Variants in ALPG observed in about 807,000 individuals in gnomAD.
ALPG encodes alkaline phosphatase, germ cell type.
A neutral mutation model predicts 48.6 loss-of-function variants in ALPG; 32 were observed. The observed-to-expected ratio is 0.66, with a 90% CI of 0.50 to 0.88. The LOEUF (loss-of-function observed/expected upper bound fraction) is 0.88, where lower values mean the gene tolerates loss of function less well. Ranked by LOEUF, ALPG falls within the 40% of genes least tolerant of loss-of-function variation. The probability of loss-of-function intolerance (pLI) is 0.00; values close to 1 mark genes in which losing one functional copy is unlikely to be tolerated. For missense variants in ALPG, 533 were observed against 718.1 expected, an observed-to-expected ratio of 0.74 and a Z score of 2.95; for synonymous variants, 244 against 308.9, an observed-to-expected ratio of 0.79 and a Z score of 2.20.
chr2:232,409,977 G>A lies in ALPG; in HGVS notation c.*105G>A, dbSNP rs567532177. The A allele has an allele frequency of 2.8e-6, 4 of 1,433,734 alleles. No individual in the cohort carries two copies. The highest frequency in any genetic ancestry group is 1.5e-5 in the South Asian group (1 of 68,662). 88.8% of individuals were successfully genotyped at this position (1,433,734 alleles called of 1,614,324 possible). ...ACCTGGAGCTGTCACCCCCGGAGTC[G>A]CCACACAGACGTCCTGCCATGGAAC... On this transcript the variant is annotated 3_prime_UTR_variant, in exon 11 of 11. Coordinates refer to ENST00000295453, the MANE Select transcript of ALPG (RefSeq NM_031313.3).
rs369960059 is a variant in ALPG, at chr2:232,409,271, G to C, written c.1184-61G>C. On this transcript the variant is annotated intron_variant, in intron 9 of 10. Transcript: ENST00000295453. ...ACCAGGCAAAACGTGGCGGTGCCTA[G>C]CACGTGGGAGACACTCCACAGCTGT... The C allele has an allele frequency of 1.6e-5, 24 of 1,535,912 alleles. No individual in the cohort carries two copies. In the East Asian group the frequency reaches 5.2e-4, roughly 33 times the overall value.
In ALPG at chr2:232,409,779, C is replaced by T. The variant is rs375861009; in HGVS notation, c.1506C>T (p.Thr502=). The change falls in exon 11 of 11, where the codon ACC becomes ACT. Residue 502 remains threonine, a synonymous_variant. Transcript: ENST00000295453. ...ACCTGGCGCCCCGCGCCGGCACCAC[C>T]GACGCCGCGCACCCGGGGCCGTCCG... ...ACDLAPRAGT[T]DAAHPGPSVV... The T allele has an allele frequency of 2.1e-5, 33 of 1,603,552 alleles. No homozygotes were observed. The Middle Eastern group carries it at 5.8e-4, about 28-fold the overall frequency.
rs1318891717 is a variant in ALPG, at chr2:232,407,945, C to T, written c.576C>T (p.Asp192=). ...ACCGCAACTGGTACTCGGATGCCGA[C>T]GTGCCTGCCTCGGCCCGCCAGGAGG... ...TVNRNWYSDA[D]VPASARQEGC... is the part of the protein sequence containing the mutation. Residue 192 remains aspartate, a synonymous_variant, in exon 5 of 11, where the codon GAC becomes GAT. Transcript: ENST00000295453. 7 of 1,613,242 alleles carry T rather than the reference C, an allele frequency of 4.3e-6. No homozygotes were observed. Among genetic ancestry groups the T allele is most frequent in the South Asian group, 1.1e-5 (1 of 90,972 alleles).
chr2:232,409,940 T>A lies in ALPG; in HGVS notation c.*68T>A. 2.0e-6 allele frequency: 3 copies of A among 1,472,446 alleles called. No homozygotes were observed. Among genetic ancestry groups the A allele is most frequent in the Non-Finnish European group, 2.7e-6 (3 of 1,118,300 alleles). The allele number at this position is 1,472,446 out of a possible 1,614,324, so 91.2% of individuals were successfully genotyped here. On this transcript the variant is annotated 3_prime_UTR_variant, in exon 11 of 11. Transcript: ENST00000295453. The stretch of plus-strand genomic sequence containing the variant: ...CCCTGCTCCCCACCTCCAGTCGTCC[T>A]GCCGGACCTCCACCTGGAGCTGTCA...
intron 6 of ALPG, 36 bp downstream of exon 6, chr2:232,408,437 G>C (rs1666837080): frequency 6.7e-7 from 1 of 1,499,192 alleles, no homozygotes; most frequent in African/African-American, 1.4e-5. Flanking sequence ...GGCACAGCAG[G>C]GGGAGGGCAG....
rs1371957328 is a variant in ALPG at position 232,406,856 on chromosome 2, T to C, written c.-39T>C. Reference sequence around the variant, plus strand: ...TGGAGTGCAGCTCATACTCCATACCTGGGATTTCCGCCTCGCCGCTCTCCG... The same window carrying C: ...TGGAGTGCAGCTCATACTCCATACCCGGGATTTCCGCCTCGCCGCTCTCCG... On this transcript the variant is annotated 5_prime_UTR_variant, in exon 1 of 11. Coordinates refer to ENST00000295453, the MANE Select transcript of ALPG (RefSeq NM_031313.3). 3 of 1,592,940 alleles carry C rather than the reference T, an allele frequency of 1.9e-6. No homozygotes were observed. The highest frequency in any genetic ancestry group is 2.3e-5 in the South Asian group (2 of 86,300).
Position 232,407,082 on chromosome 2 carries a change from G to A in ALPG, c.93G>A (p.Trp31Ter), listed in dbSNP as rs532218338. Reference protein sequence around the residue: ...IPVEEENPDFWNRQAAEALGA... With the variant: ...IPVEEENPDF ...TTGAGGAGGAGAACCCGGACTTCTG[G>A]AACCGCCAGGCAGCCGAGGCCCTGG... is the stretch of plus-strand genomic sequence containing the variant. The change falls in exon 2 of 11, where the codon TGG (tryptophan) becomes TGA (stop). Residue 31 changes from tryptophan (W) to a stop codon, truncating the protein, a stop_gained. Coordinates refer to ENST00000295453, the MANE Select transcript of ALPG (RefSeq NM_031313.3). LOFTEE classifies it high-confidence loss of function. 10 of 1,613,798 alleles carry A rather than the reference G, an allele frequency of 6.2e-6. No homozygotes were observed. Among genetic ancestry groups the A allele is most frequent in the African/African-American group, 5.3e-5 (4 of 74,976 alleles).
Position 232,409,933 on chromosome 2 carries a change from G to GTCGTCCTGCCGGACCTCCAC in ALPG, c.*62_*81dup. On this transcript the variant is annotated 3_prime_UTR_variant, in exon 11 of 11. Transcript: ENST00000295453. ...GGAGTTCCCCTGCTCCCCACCTCCA[G>GTCGTCCTGCCGGACCTCCAC]TCGTCCTGCCGGACCTCCACCTGGA... 1 of 1,480,260 alleles carries GTCGTCCTGCCGGACCTCCAC rather than the reference G, an allele frequency of 6.8e-7. No individual in the cohort carries two copies. The highest frequency in any genetic ancestry group is 1.4e-5 in the African/African-American group (1 of 71,576). The allele number at this position is 1,480,260 out of a possible 1,614,324, so 91.7% of individuals were successfully genotyped here.
rs556367051 is a variant in ALPG at position 232,407,196 on chromosome 2, C to G, written c.184+23C>G. 3.7e-5 allele frequency: 59 copies of G among 1,613,964 alleles called. No homozygotes were observed. The South Asian group carries it at 5.5e-4, about 15-fold the overall frequency. The stretch of plus-strand genomic sequence containing the variant: ...ACGGTGAGTGAGCCAGGCCTTCCAG[C>G]CCCGCAGCCCTCACAGCCCCGGCGC... On this transcript the variant is annotated intron_variant, in intron 2 of 10. Coordinates refer to ENST00000295453, the MANE Select transcript of ALPG (RefSeq NM_031313.3).
chr2:232,408,125 G>A (rs1697124226), intron 5 of ALPG, 108 bp downstream of exon 5: 1 of 1,566,122 alleles, frequency 6.4e-7, no homozygotes, highest in Non-Finnish European at 8.6e-7. Context: ...AGGGTCTGGA[G>A]GTGGGGTTGG....
At position 232,407,169 on chromosome 2, in the gene ALPG, T is replaced by C. The variant is rs547578986; in HGVS notation, c.180T>C (p.Gly60=). 1,665 of 1,613,670 alleles carry C rather than the reference T, an allele frequency of 1.0e-3. 27 individuals are homozygous for C. The East Asian group carries it at 0.035, about 34-fold the overall frequency. Reference sequence around the variant, plus strand: ...CCAAGAACCTCATCATCTTCCTGGGTGACGGTGAGTGAGCCAGGCCTTCCA... The same window carrying C: ...CCAAGAACCTCATCATCTTCCTGGGCGACGGTGAGTGAGCCAGGCCTTCCA... ...TAAKNLIIFL[G]DGMGVSTVTA... The change falls in exon 2 of 11, where the codon GGT becomes GGC. Residue 60 remains glycine, a synonymous_variant. Transcript: ENST00000295453.
intron 1 of ALPG, 30 bp from the exon 2 acceptor site, chr2:232,407,027 T>A (rs1422805786): frequency 2.5e-6 from 4 of 1,613,598 alleles, no homozygotes; most frequent in Non-Finnish European, 3.4e-6. Flanking sequence ...CAGCCCAGGC[T>A]GACCTGATCT....
Position 232,410,189 on chromosome 2 carries a change from GCT to G in ALPG, c.*323_*324del, listed in dbSNP as rs1367893727. The G allele has an allele frequency of 2.1e-6, 1 of 475,712 alleles. No individual in the cohort carries two copies. Among genetic ancestry groups the G allele is most frequent in the Non-Finnish European group, 3.7e-6 (1 of 268,616 alleles). The allele number at this position is 475,712 out of a possible 1,614,324, so 29.5% of individuals were successfully genotyped here. Reference sequence around the variant, plus strand: ...CCATATCCTGAGGTGGATCAGGCAGGCTCTCTCCCCGGGGACATGAGGCACCC... The same window carrying G: ...CCATATCCTGAGGTGGATCAGGCAGGCTCTCCCCGGGGACATGAGGCACCC... On this transcript the variant is annotated 3_prime_UTR_variant, in exon 11 of 11. Coordinates refer to ENST00000295453, the MANE Select transcript of ALPG (RefSeq NM_031313.3).
At position 232,407,186 on chromosome 2, in the gene ALPG, G is replaced by A; in HGVS notation, c.184+13G>A. ...TTCCTGGGTGACGGTGAGTGAGCCA[G>A]GCCTTCCAGCCCCGCAGCCCTCACA... On this transcript the variant is annotated intron_variant, in intron 2 of 10. Transcript: ENST00000295453. 1 of 1,613,944 alleles carries A rather than the reference G, an allele frequency of 6.2e-7. No homozygotes were observed. The highest frequency in any genetic ancestry group is 8.5e-7 in the Non-Finnish European group (1 of 1,180,012).
At chr2:232,409,544 C>A in intron 10 of ALPG, 30 bp from the exon 11 acceptor site, 1 of 1,612,092 alleles carries the variant, frequency 6.2e-7, no homozygotes, top group South Asian at 1.1e-5. Context: ...GGAACTGAAA[C>A]TTCCTACTGA....
rs1315942618 is a variant in ALPG, at chr2:232,409,716, G to A, written c.1443G>A (p.Met481Ile). The A allele has an allele frequency of 6.2e-7, 1 of 1,610,714 alleles. No homozygotes were observed. Among genetic ancestry groups the A allele is most frequent in the African/African-American group, 1.3e-5 (1 of 74,848 alleles). ...VQEQTFIAHVMAFAACLEPYT... is the reference protein window; with the variant it reads ...VQEQTFIAHVIAFAACLEPYT... ...AGCAGACCTTCATAGCGCACGTCAT[G>A]GCCTTCGCCGCCTGCCTGGAGCCCT... is the stretch of plus-strand genomic sequence containing the variant. The change falls in exon 11 of 11, where the codon ATG becomes ATA. Residue 481 changes from methionine (M) to isoleucine (I), a missense_variant. Met to Ile is a conservative substitution (Grantham distance 10). Coordinates refer to ENST00000295453, the MANE Select transcript of ALPG (RefSeq NM_031313.3).
rs1697160228 is a variant in ALPG at position 232,409,922 on chromosome 2, C to CCCCA, written c.*53_*56dup. ...TTCCCCATCCCGGAGTTCCCCTGCT[C>CCCCA]CCCACCTCCAGTCGTCCTGCCGGAC... On this transcript the variant is annotated 3_prime_UTR_variant, in exon 11 of 11. Transcript: ENST00000295453. 1 of 1,493,336 alleles carries CCCCA rather than the reference C, an allele frequency of 6.7e-7. No individual in the cohort carries two copies. Among genetic ancestry groups the CCCCA allele is most frequent in the East Asian group, 2.4e-5 (1 of 40,846 alleles). The allele number at this position is 1,493,336 out of a possible 1,614,324, so 92.5% of individuals were successfully genotyped here.
rs767747331 is a variant in ALPG, at chr2:232,407,440, A to G, written c.300+39A>G. ...TACCTTAGAGTCCTCCAAGCAGAGA[A>G]GGGGAATCCTGGCTATGGAGTGTGG... On this transcript the variant is annotated intron_variant, in intron 3 of 10. Transcript: ENST00000295453. The G allele has an allele frequency of 9.3e-6, 15 of 1,607,728 alleles. No homozygotes were observed. In the African/African-American group the frequency reaches 1.1e-4, roughly 11 times the overall value.
intron 2 of ALPG, 26 bp from the exon 3 acceptor site, chr2:232,407,260 A>C: frequency 6.2e-7 from 1 of 1,613,860 alleles, no homozygotes; most frequent in Non-Finnish European, 8.5e-7. Flanking sequence ...CTGGGGAGCA[A>C]GCCTCACACA....
Sources: allele counts gnomAD v4.1 joint callset, GRCh38; gene constraint gnomAD v4.1.1; transcripts MANE v1.5; gene names NCBI Gene and HGNC (gene_info 2026-07-23, HGNC 2026-07-21).